The following PCDHA4 variants were observed in gnomAD, a reference collection of about 807,000 sequenced individuals.
PCDHA4 encodes the protein protocadherin alpha 4.
In PCDHA4, 49 loss-of-function variants were observed where a neutral mutation model predicts 61.4. The observed-to-expected ratio is 0.80, with a 90% CI of 0.63 to 1.01. The LOEUF (loss-of-function observed/expected upper bound fraction) is 1.01, where lower values mean the gene tolerates loss of function less well. Among genes scored for constraint, PCDHA4 ranks in the 50% least tolerant of loss-of-function variants. PCDHA4 has a pLI of 0.00. For missense variants in PCDHA4, 1,254 were observed against 1,235.8 expected, an observed-to-expected ratio of 1.01 and a Z score of -0.22; for synonymous variants, 590 against 550.3, an observed-to-expected ratio of 1.07 and a Z score of -1.01.
chr5:140,873,657 C>T (rs1270824058), intron 1 of PCDHA4, among the ~76,000 whole-genome samples: 1 of 152,206 alleles, frequency 6.6e-6, no homozygotes, highest in Non-Finnish European at 1.5e-5. Flanking sequence ...ACATAACACA[C>T]TATTATTATT....
chr5:140,958,872 G>T (rs993434831), intron 1 of PCDHA4, among the ~76,000 whole-genome samples: 1 of 151,970 alleles, frequency 6.6e-6, no homozygotes, highest in Non-Finnish European at 1.5e-5. Context: ...GTTTATAAAA[G>T]AATTGACCAG....
intron 2 of PCDHA4, among the ~76,000 whole-genome samples, chr5:140,981,353 C>A (rs551731316): frequency 6.6e-6 from 1 of 152,166 alleles, no homozygotes; most frequent in South Asian, 2.1e-4. Context: ...GCAGGTGGAT[C>A]ACTTGAGGTC....
intron 1 of PCDHA4, among the ~76,000 whole-genome samples, chr5:140,902,675 C>G (rs1554190566): frequency 1.3e-5 from 2 of 152,154 alleles, no homozygotes; most frequent in Admixed American, 1.3e-4. Flanking sequence ...GCAGTGTACA[C>G]CGTACCTAAT....
chr5:140,986,247 G>A (rs758689038), intron 3 of PCDHA4, among the ~76,000 whole-genome samples: 1 of 152,012 alleles, frequency 6.6e-6, no homozygotes, highest in Non-Finnish European at 1.5e-5. Context: ...GAGCAGACCC[G>A]GACCACAGGC....
intron 1 of PCDHA4, chr5:140,881,383 G>C: frequency 1.0e-6 from 1 of 984,330 alleles, no homozygotes; most frequent in Non-Finnish European, 1.2e-6. Flanking sequence ...AGCCGGCGGC[G>C]GTAAGTTAAA....
At chr5:140,922,916 C>T (rs2081069739) in intron 1 of PCDHA4, among the ~76,000 whole-genome samples, 1 of 152,146 alleles carries the variant, frequency 6.6e-6, no homozygotes, top group South Asian at 2.1e-4. Context: ...TACAAATAAA[C>T]TTCAGACTTT....
chr5:140,830,775 A>T, intron 1 of PCDHA4: 1 of 167,192 alleles, frequency 6.0e-6, no homozygotes. Context: ...TCATAGTAGC[A>T]TTTTTTTCTG....
chr5:140,907,582 G>A (rs978225789), intron 1 of PCDHA4, among the ~76,000 whole-genome samples: 1 of 152,190 alleles, frequency 6.6e-6, no homozygotes, highest in Admixed American at 6.5e-5. Flanking sequence ...CAGGTAGCTG[G>A]CTGATCACCC....
At chr5:140,967,136 C>CTT (rs1401459371) in intron 1 of PCDHA4, 1 of 1,611,568 alleles carries the variant, frequency 6.2e-7, no homozygotes, top group African/African-American at 1.3e-5. Context: ...CTTGGAAGTG[C>CTT]TGGCGCACAA....
chr5:140,927,862 G>T, intron 1 of PCDHA4: 1 of 1,614,200 alleles, frequency 6.2e-7, no homozygotes. Context: ...AGCTAGCACC[G>T]CTAAACTGCT....
At chr5:140,868,805 C>T (rs1316864299) in intron 1 of PCDHA4, 7 of 356,302 alleles carry the variant, frequency 2.0e-5, no homozygotes, top group African/African-American at 1.4e-4. Context: ...TAAATAAGCA[C>T]GTTGGAAATA....
chr5:140,967,908 A>G (rs554849478), intron 1 of PCDHA4: 5 of 1,614,138 alleles, frequency 3.1e-6, no homozygotes, highest in East Asian at 2.2e-5. Flanking sequence ...GCTACACCCA[A>G]CACCATTGTG....
intron 1 of PCDHA4, chr5:140,822,269 C>A: frequency 2.5e-6 from 4 of 1,614,196 alleles, no homozygotes; most frequent in Non-Finnish European, 3.4e-6. Context: ...GGAGCAAATG[C>A]ACAATTGAGA....
At chr5:140,937,769 G>A (rs908179495) in intron 1 of PCDHA4, among the ~76,000 whole-genome samples, 44 of 151,776 alleles carry the variant, frequency 2.9e-4, no homozygotes, top group African/African-American at 9.4e-4. Context: ...AAAATTAGTC[G>A]GGCGTGGTGG....
chr5:140,816,091 C>T (rs1765841827), intron 1 of PCDHA4: 1 of 152,174 alleles, frequency 6.6e-6, no homozygotes, highest in African/African-American at 2.4e-5. Context: ...AATAAGCTGT[C>T]TGTCCTTTTC....
At chr5:140,809,777 C>T (rs74789742) in intron 1 of PCDHA4, 2 of 524,128 alleles carry the variant, frequency 3.8e-6, no homozygotes, top group Non-Finnish European at 6.5e-6. Flanking sequence ...TTATTCAATG[C>T]ATATTAACAG....
intron 1 of PCDHA4, among the ~76,000 whole-genome samples, chr5:140,899,225 A>G (rs1479429839): frequency 6.6e-6 from 1 of 152,038 alleles, no homozygotes; most frequent in African/African-American, 2.4e-5. Flanking sequence ...TTCCAACACT[A>G]TGTTGAATAG....
chr5:140,982,300 GCTT>G, intron 2 of PCDHA4, 172 bp from the exon 3 acceptor site: 2 of 1,204,624 alleles, frequency 1.7e-6, no homozygotes, highest in Non-Finnish European at 1.1e-6. Context: ...AGTCAGCAAT[GCTT>G]CTGCAGTTTA....
chr5:140,856,721 G>A (rs1043107454), intron 1 of PCDHA4: 7 of 1,596,646 alleles, frequency 4.4e-6, no homozygotes, highest in South Asian at 1.1e-5. Context: ...TACCGGATCT[G>A]TTTCTCTGCT....
Sources: allele counts gnomAD v4.1 joint callset (sites outside exome capture counted in the v4.1 genomes callset), GRCh38; gene constraint gnomAD v4.1.1; transcripts MANE v1.5; gene names NCBI Gene and HGNC (gene_info 2026-07-23, HGNC 2026-07-21).